The following CPAP variants were observed in gnomAD, a reference collection of about 807,000 sequenced individuals.
The protein encoded by CPAP is centrosomal P4.1-associated protein.
At chr13:24,899,101 TG>T in the CPAP span, among the ~76,000 whole-genome samples, 1 of 152,282 alleles carries the variant, frequency 6.6e-6, no homozygotes, top group East Asian at 1.9e-4. Flanking sequence ...CAATATTTGG[TG>T]GGTGGTAGGT....
At chr13:24,885,666 A>G in the CPAP span, 1 of 1,610,706 alleles carries the variant, frequency 6.2e-7, no homozygotes, top group Non-Finnish European at 8.5e-7. Context: ...TTCGAGGTGG[A>G]TTGCCTATTA....
chr13:24,886,011 A>G, the CPAP span: 1 of 387,630 alleles, frequency 2.6e-6, no homozygotes, highest in South Asian at 2.2e-5. Context: ...GGCTTCACCA[A>G]ATAACTGGGT....
the CPAP span, among the ~76,000 whole-genome samples, chr13:24,929,901 AT>A: frequency 0.23 from 23,112 of 100,860 alleles, 2,288 homozygotes; most frequent in Admixed American, 0.31. Flanking sequence ...TCACTTGTGA[AT>A]TTTTTTTTTT....
chr13:24,912,095 T>C, the CPAP span: 1 of 1,599,132 alleles, frequency 6.3e-7, no homozygotes, highest in Admixed American at 1.7e-5. Flanking sequence ...ATTAACTTTA[T>C]TAAATCAACT....
the CPAP span, among the ~76,000 whole-genome samples, chr13:24,932,519 A>T: frequency 6.6e-6 from 1 of 152,254 alleles, no homozygotes; most frequent in South Asian, 2.1e-4. Flanking sequence ...GTGTATATAC[A>T]CATATACATA....
chr13:24,905,851 C>T, the CPAP span: 13 of 1,614,062 alleles, frequency 8.1e-6, no homozygotes, highest in African/African-American at 1.3e-5. Context: ...GTGGGCTATC[C>T]TCTCTGCTGC....
the CPAP span, among the ~76,000 whole-genome samples, chr13:24,911,636 A>G: frequency 1.3e-5 from 2 of 151,636 alleles, no homozygotes; most frequent in Non-Finnish European, 2.9e-5. Context: ...TCCTGGGCTC[A>G]AGCAATCCTC....
At chr13:24,921,968 C>T in the CPAP span, among the ~76,000 whole-genome samples, 8 of 152,148 alleles carry the variant, frequency 5.3e-5, no homozygotes, top group Non-Finnish European at 7.4e-5. Context: ...GTAAAGGGAG[C>T]ATTGATAATA....
At chr13:24,897,635 ATGTTC>A in the CPAP span, among the ~76,000 whole-genome samples, 1 of 152,194 alleles carries the variant, frequency 6.6e-6, no homozygotes, top group Non-Finnish European at 1.5e-5. Flanking sequence ...AAGAACAAAG[ATGTTC>A]TGTTAAGATA....
At chr13:24,900,160 C>G in the CPAP span, among the ~76,000 whole-genome samples, 1 of 151,324 alleles carries the variant, frequency 6.6e-6, no homozygotes, top group African/African-American at 2.4e-5. Context: ...ATGAAGGAAA[C>G]CTGAAGAAAA....
chr13:24,933,264 G>C, the CPAP span: 1 of 736,298 alleles, frequency 1.4e-6, no homozygotes, highest in African/African-American at 1.7e-5. Flanking sequence ...CTCATCAGGA[G>C]AGACTGTGAC....
chr13:24,887,742 C>T, the CPAP span, among the ~76,000 whole-genome samples: 16,893 of 152,136 alleles, frequency 0.11, 1,116 homozygotes, highest in Non-Finnish European at 0.15. Flanking sequence ...TGCCCCTTAC[C>T]CCAGTCCATG....
At chr13:24,892,566 T>G in the CPAP span, 2 of 1,163,442 alleles carry the variant, frequency 1.7e-6, no homozygotes, top group Non-Finnish European at 2.6e-6. Flanking sequence ...CATTCTACTT[T>G]CTGACTCTAT....
chr13:24,917,585 G>C, the CPAP span, among the ~76,000 whole-genome samples: 1 of 151,988 alleles, frequency 6.6e-6, no homozygotes, highest in South Asian at 2.1e-4. Context: ...GATTCTGTTT[G>C]AATAATTTTT....
At chr13:24,884,974 C>T in the CPAP span, among the ~76,000 whole-genome samples, 1 of 152,192 alleles carries the variant, frequency 6.6e-6, no homozygotes, top group African/African-American at 2.4e-5. Context: ...AAGAATAAAA[C>T]TGTGCTAGCT....
the CPAP span, among the ~76,000 whole-genome samples, chr13:24,898,320 C>A: frequency 6.6e-6 from 1 of 151,890 alleles, no homozygotes; most frequent in African/African-American, 2.4e-5. Context: ...AAGAGTACAG[C>A]GGGGAGAGAG....
At chr13:24,884,175 G>A in the CPAP span, 1 of 1,614,134 alleles carries the variant, frequency 6.2e-7, no homozygotes, top group South Asian at 1.1e-5. Context: ...TTGTCCACTT[G>A]AGAAATGTAA....
At chr13:24,898,031 G>A in the CPAP span, among the ~76,000 whole-genome samples, 2 of 152,244 alleles carry the variant, frequency 1.3e-5, no homozygotes, top group African/African-American at 4.8e-5. Flanking sequence ...ATGTACCTGG[G>A]ACTACAGGCA....
At chr13:24,931,685 T>G in the CPAP span, among the ~76,000 whole-genome samples, 1 of 152,260 alleles carries the variant, frequency 6.6e-6, no homozygotes, top group Admixed American at 6.5e-5. Context: ...AATGTATTTC[T>G]AACTAGTTAC....
Sources: allele counts gnomAD v4.1 joint callset (sites outside exome capture counted in the v4.1 genomes callset), GRCh38; gene constraint gnomAD v4.1.1; transcripts MANE v1.5; gene names NCBI Gene and HGNC (gene_info 2026-07-23, HGNC 2026-07-21).